NUP205: variants seen among roughly 807,000 people sequenced by gnomAD.
The protein encoded by NUP205 is nucleoporin 205, also known as nuclear pore complex protein Nup205.
In NUP205, 76 loss-of-function variants were observed where a neutral mutation model predicts 253.8. The ratio of observed to expected loss-of-function variants is 0.30; its 90% CI spans 0.25 to 0.36. The LOEUF is 0.36. Ranked by LOEUF, NUP205 falls within the 10% of genes least tolerant of loss-of-function variation. The probability of loss-of-function intolerance (pLI) is 1.00; values close to 1 mark genes in which losing one functional copy is unlikely to be tolerated. For synonymous variants in NUP205, 832 were observed against 850.1 expected (o/e 0.98, Z 0.37); for missense variants, 2,162 against 2,425.5 (o/e 0.89, Z 2.28).
intron 35 of NUP205, among the ~76,000 whole-genome samples, chr7:135,633,210 C>T (rs1041855928): frequency 6.6e-6 from 1 of 152,054 alleles, no homozygotes; most frequent in Admixed American, 6.6e-5. Context: ...GCATTCCTCC[C>T]ACCTCAGTCT....
chr7:135,600,800 G>T, intron 15 of NUP205, 70 bp from the exon 16 acceptor site: 4 of 799,136 alleles, frequency 5.0e-6, no homozygotes, highest in Non-Finnish European at 8.1e-6. Flanking sequence ...AGTGGGAAGA[G>T]TGAAAAGCCT....
Position 135,622,942 on chromosome 7 carries a change from T to A in NUP205, c.4479+17T>A, listed in dbSNP as rs1473440082. The stretch of plus-strand genomic sequence containing the variant: ...ATTGGAAGGGTAAAGCAACTCTTAT[T>A]TAGTATTATAATTGAATAAGTATTT... On this transcript the variant is annotated intron_variant, in intron 31 of 42. Coordinates refer to ENST00000285968, the MANE Select transcript of NUP205 (RefSeq NM_015135.3). 1 of 1,611,434 alleles carries A rather than the reference T, an allele frequency of 6.2e-7. No individual in the cohort carries two copies. Among genetic ancestry groups the A allele is most frequent in the African/African-American group, 1.3e-5 (1 of 74,868 alleles).
intron 13 of NUP205, among the ~76,000 whole-genome samples, chr7:135,596,045 C>T (rs1360656340): frequency 6.6e-6 from 1 of 152,090 alleles, no homozygotes; most frequent in Non-Finnish European, 1.5e-5. Flanking sequence ...AGCGATTCTC[C>T]TGCCTCAGCC....
intron 38 of NUP205, among the ~76,000 whole-genome samples, chr7:135,639,011 A>G (rs553943219): frequency 6.6e-6 from 1 of 152,336 alleles, no homozygotes; most frequent in Non-Finnish European, 1.5e-5. Flanking sequence ...TATATGTTAA[A>G]TCATGTTAAG....
At chr7:135,589,895 G>A (rs1296886435) in intron 10 of NUP205, among the ~76,000 whole-genome samples, 1 of 151,130 alleles carries the variant, frequency 6.6e-6, no homozygotes, top group Non-Finnish European at 1.5e-5. Flanking sequence ...TCCAGCCTGG[G>A]TGACAGAGTA....
At chr7:135,576,608 T>A (rs1306923345) in intron 4 of NUP205, among the ~76,000 whole-genome samples, 194 bp downstream of exon 4, 6 of 152,182 alleles carry the variant, frequency 3.9e-5, no homozygotes, top group African/African-American at 1.4e-4. Flanking sequence ...TGGACCGAGG[T>A]GCAGTGGCCC....
In NUP205 at chr7:135,630,554, C is replaced by A. The variant is rs1471614316; in HGVS notation, c.5059+84C>A. 4.7e-6 allele frequency: 6 copies of A among 1,274,432 alleles called. No individual in the cohort carries two copies. In the East Asian group the frequency reaches 1.7e-4, roughly 35 times the overall value. The allele number at this position is 1,274,432 out of a possible 1,614,324, so 78.9% of individuals were successfully genotyped here. On this transcript the variant is annotated intron_variant, in intron 35 of 42. Transcript: ENST00000285968. ...TAGAATGAGTTTTTTTGTTACTTTGCAGCTATATATGACTTATTTGAAATT... is the reference window on the plus strand; with the variant it reads ...TAGAATGAGTTTTTTTGTTACTTTGAAGCTATATATGACTTATTTGAAATT...
intron 33 of NUP205, among the ~76,000 whole-genome samples, chr7:135,627,754 T>G (rs534857162): frequency 1.3e-5 from 2 of 152,314 alleles, no homozygotes; most frequent in South Asian, 4.1e-4. Context: ...CGATAAGATT[T>G]TTCAGAATTC....
At position 135,557,976 on chromosome 7, in the gene NUP205, A is replaced by G. The variant is rs1805475797; in HGVS notation, c.28+4A>G. On this transcript the variant is annotated splice_donor_region_variant and intron_variant, in intron 1 of 42. Coordinates refer to ENST00000285968, the MANE Select transcript of NUP205 (RefSeq NM_015135.3). Reference sequence around the variant, plus strand: ...ACGCCTTTGGCGGTAAATTCGGGTAAGTGTGGCCAGACAGAAAGACGATTG... The same window carrying G: ...ACGCCTTTGGCGGTAAATTCGGGTAGGTGTGGCCAGACAGAAAGACGATTG... 1 of 1,612,004 alleles carries G rather than the reference A, an allele frequency of 6.2e-7. No homozygotes were observed.
At chr7:135,572,059 A>G (rs141759459) in intron 2 of NUP205, among the ~76,000 whole-genome samples, 299 of 151,900 alleles carry the variant, frequency 2.0e-3, no homozygotes, top group Non-Finnish European at 2.9e-3. Flanking sequence ...GGGTCTTGCT[A>G]TGTTGCCCAG....
intron 30 of NUP205, among the ~76,000 whole-genome samples, chr7:135,622,572 C>A (rs1278222924): frequency 1.3e-5 from 2 of 151,968 alleles, no homozygotes; most frequent in Non-Finnish European, 2.9e-5. Context: ...ATGAAACATG[C>A]ATGAAATAGG....
intron 35 of NUP205, among the ~76,000 whole-genome samples, chr7:135,631,300 C>A (rs1182956894): frequency 6.6e-6 from 1 of 152,160 alleles, no homozygotes; most frequent in Non-Finnish European, 1.5e-5. Flanking sequence ...AGACAAAAAT[C>A]TAATTGAAGA....
At chr7:135,596,377 C>T (rs1046160423) in intron 13 of NUP205, among the ~76,000 whole-genome samples, 9 of 152,326 alleles carry the variant, frequency 5.9e-5, no homozygotes, top group Admixed American at 5.2e-4. Context: ...GGATACTTCA[C>T]CTTTTGATTC....
chr7:135,616,869 A>AT (rs911579341), intron 25 of NUP205, 143 bp downstream of exon 25: 8 of 640,368 alleles, frequency 1.2e-5, no homozygotes, highest in Non-Finnish European at 2.0e-5. Flanking sequence ...CCACCTGAAA[A>AT]TTTTTTTTAT....
rs967450464 is a variant in NUP205, at chr7:135,559,378, T to C, written c.28+1406T>C. On this transcript the variant is annotated intron_variant, in intron 1 of 42. Transcript: ENST00000285968. Reference sequence around the variant, plus strand: ...TTTTATTTTATTTTTTAATTTTTCTTTTTGAGATGGAGTCTTGCTCTGTCT... The same window carrying C: ...TTTTATTTTATTTTTTAATTTTTCTCTTTGAGATGGAGTCTTGCTCTGTCT... Among the ~76,000 whole-genome samples the C allele has an allele frequency of 2.0e-5, 3 of 152,368 alleles. No individual in the cohort carries two copies. In the East Asian group the frequency reaches 5.8e-4, roughly 29 times the overall value.
intron 1 of NUP205, among the ~76,000 whole-genome samples, chr7:135,563,226 A>T (rs928774880): frequency 1.3e-5 from 2 of 151,818 alleles, no homozygotes; most frequent in Non-Finnish European, 2.9e-5. Flanking sequence ...CTTACTCTGT[A>T]GCCCAGGCTG....
At chr7:135,623,827 G>A (rs1012204399) in intron 31 of NUP205, among the ~76,000 whole-genome samples, 6 of 152,284 alleles carry the variant, frequency 3.9e-5, no homozygotes, top group African/African-American at 1.2e-4. Flanking sequence ...CTGTCGCCCC[G>A]GCTAGAGTGT....
At position 135,606,847 on chromosome 7, in the gene NUP205, A is replaced by T. The variant is rs778243899; in HGVS notation, c.3002A>T (p.Asn1001Ile). 6.2e-7 allele frequency: 1 copy of T among 1,613,832 alleles called. No homozygotes were observed. Among genetic ancestry groups the T allele is most frequent in the Non-Finnish European group, 8.5e-7 (1 of 1,179,888 alleles). Reference protein sequence around the residue: ...LITSLECNPPNLALYLLGFEL... With the variant: ...LITSLECNPPILALYLLGFEL... ...ACCTCTCTGGAATGCAATCCACCCA[A>T]TCTTGCTCTCTACCTGTTGGGCTTT... The change falls in exon 21 of 43, where the codon AAT becomes ATT. Residue 1001 changes from asparagine (N) to isoleucine (I), a missense_variant. Physicochemically the swap from Asn to Ile is moderately radical, Grantham distance 149 (BLOSUM62 -3). Coordinates refer to ENST00000285968, the MANE Select transcript of NUP205 (RefSeq NM_015135.3).
At chr7:135,622,083 G>A (rs1315149952) in intron 30 of NUP205, among the ~76,000 whole-genome samples, 1 of 151,576 alleles carries the variant, frequency 6.6e-6, no homozygotes. Context: ...GATTACAGGT[G>A]TGAGCCACCA....
Sources: allele counts gnomAD v4.1 joint callset (sites outside exome capture counted in the v4.1 genomes callset), GRCh38; gene constraint gnomAD v4.1.1; transcripts MANE v1.5; gene names NCBI Gene and HGNC (gene_info 2026-07-23, HGNC 2026-07-21).